The following KIN variants were observed in gnomAD, a reference collection of about 807,000 sequenced individuals.
KIN encodes DNA/RNA-binding protein KIN17.
Under a neutral mutation model 63.0 loss-of-function variants are expected in KIN, and 47 were observed. That is an observed-to-expected ratio of 0.75 (90% CI 0.59 to 0.95). The LOEUF (loss-of-function observed/expected upper bound fraction) is 0.95, where lower values mean the gene tolerates loss of function less well. Among genes scored for constraint, KIN ranks in the 40% least tolerant of loss-of-function variants. KIN has a pLI of 0.00. For missense variants in KIN, 408 were observed against 460.9 expected (o/e 0.89, Z 1.05); for synonymous variants, 160 against 157.7 (o/e 1.01, Z -0.11).
intron 2 of KIN, among the ~76,000 whole-genome samples, chr10:7,782,101 T>A (rs80047080): frequency 0.058 from 8,814 of 152,182 alleles, 459 homozygotes; most frequent in African/African-American, 0.13. Context: ...CCAATTTTTT[T>A]AAAAAACTTG....
intron 12 of KIN, among the ~76,000 whole-genome samples, chr10:7,758,009 GATT>G (rs1835365122): frequency 8.8e-6 from 1 of 114,256 alleles, no homozygotes; most frequent in Middle Eastern, 4.3e-3. Flanking sequence ...CATATACAGA[GATT>G]TTTTTTTTTT....
At chr10:7,780,891 G>T (rs1169136850) in intron 2 of KIN, among the ~76,000 whole-genome samples, 1 of 152,124 alleles carries the variant, frequency 6.6e-6, no homozygotes, top group Non-Finnish European at 1.5e-5. Context: ...CATACCTTTG[G>T]AATGGGTCCT....
rs1167822553 is a variant in KIN, at chr10:7,752,453, G to A, written c.*3627C>T. 6.6e-6 allele frequency: 1 copy of A among 152,202 alleles called. No homozygotes were observed. The highest frequency in any genetic ancestry group is 1.5e-5 in the Non-Finnish European group (1 of 68,042). 9.4% of individuals were successfully genotyped at this position (152,202 alleles called of 1,614,324 possible). On this transcript the variant is annotated 3_prime_UTR_variant, in exon 13 of 13. Coordinates refer to ENST00000379562, the MANE Select transcript of KIN (RefSeq NM_012311.4). ...TGCTGACGGAGATGCAGAGCAGCAG[G>A]AACTCTCATTCACTGCTCGTTTGAA... is the stretch of plus-strand genomic sequence containing the variant.
At chr10:7,769,476 G>A in intron 7 of KIN, 131 bp from the exon 8 acceptor site, 1 of 875,474 alleles carries the variant, frequency 1.1e-6, no homozygotes, top group South Asian at 1.7e-5. Context: ...AAACCATGGA[G>A]TCCCTGTCCA....
chr10:7,780,235 G>A (rs1446576013), intron 3 of KIN, 29 bp downstream of exon 3: 3 of 1,609,940 alleles, frequency 1.9e-6, no homozygotes, highest in African/African-American at 1.3e-5. Flanking sequence ...TTATAAAGCT[G>A]TTATTTGCAC....
At position 7,755,441 on chromosome 10, in the gene KIN, G is replaced by A. The variant is rs1835315001; in HGVS notation, c.*639C>T. 1 of 152,142 alleles carries A rather than the reference G, an allele frequency of 6.6e-6. No homozygotes were observed. The highest frequency in any genetic ancestry group is 2.4e-5 in the African/African-American group (1 of 41,432). 9.4% of individuals were successfully genotyped at this position (152,142 alleles called of 1,614,324 possible). On this transcript the variant is annotated 3_prime_UTR_variant, in exon 13 of 13. Coordinates refer to ENST00000379562, the MANE Select transcript of KIN (RefSeq NM_012311.4). ...CCATTTATAAGAAATGTCCAGAAAG[G>A]GCAAATCCATAGAGACAGAAAGTAC... is the stretch of plus-strand genomic sequence containing the variant.
At chr10:7,779,841 T>C (rs1835861191) in intron 4 of KIN, among the ~76,000 whole-genome samples, 1 of 152,226 alleles carries the variant, frequency 6.6e-6, no homozygotes, top group Admixed American at 6.5e-5. Flanking sequence ...CCTTGCATAG[T>C]ATTTATTCAG....
In KIN at chr10:7,753,910, ACT is replaced by A; in HGVS notation, c.*2168_*2169del. The A allele has an allele frequency of 2.8e-6, 1 of 362,424 alleles. No homozygotes were observed. Among genetic ancestry groups the A allele is most frequent in the East Asian group, 8.4e-5 (1 of 11,968 alleles). The allele number at this position is 362,424 out of a possible 1,614,324, so 22.5% of individuals were successfully genotyped here. A position where few individuals can be genotyped will look rare whatever the true frequency, so the allele number is the denominator to read the frequency against. On this transcript the variant is annotated 3_prime_UTR_variant, in exon 13 of 13. Transcript: ENST00000379562. ...GAATAGAAGCAATCAGCCCTCCCTG[ACT>A]CTCAGTTAAAGAGAGAGATCCCAGG...
chr10:7,758,070 C>CA (rs1482968811), intron 12 of KIN, among the ~76,000 whole-genome samples: 1 of 140,168 alleles, frequency 7.1e-6, no homozygotes, highest in African/African-American at 2.6e-5. Flanking sequence ...AATTAGGAGA[C>CA]AGATTCCCTT....
At position 7,754,355 on chromosome 10, in the gene KIN, A is replaced by AG. The variant is rs757042429; in HGVS notation, c.*1724dup. On this transcript the variant is annotated 3_prime_UTR_variant, in exon 13 of 13. Transcript: ENST00000379562. ...ATCTCAAAAAACAGAACAAAAAAAA[A>AG]GAGGCGTAGTGGCTCATGCCTGTAA... 6 of 268,692 alleles carry AG rather than the reference A, an allele frequency of 2.2e-5. No homozygotes were observed. Among genetic ancestry groups the AG allele is most frequent in the Non-Finnish European group, 4.5e-5 (6 of 133,508 alleles). 16.6% of individuals were successfully genotyped at this position (268,692 alleles called of 1,614,324 possible). A position where few individuals can be genotyped will look rare whatever the true frequency, so the allele number is the denominator to read the frequency against.
intron 2 of KIN, 96 bp from the exon 3 acceptor site, chr10:7,780,403 G>GA: frequency 1.9e-6 from 2 of 1,071,216 alleles, no homozygotes; most frequent in Non-Finnish European, 2.7e-6. Context: ...TTTTGTTTTT[G>GA]TTTTTTTTGA....
intron 5 of KIN, among the ~76,000 whole-genome samples, chr10:7,776,987 C>G (rs1440414825): frequency 7.8e-6 from 1 of 128,590 alleles, no homozygotes; most frequent in Non-Finnish European, 1.6e-5. Context: ...CACCAGAGGT[C>G]AAGGGTGCAG....
intron 11 of KIN, 48 bp downstream of exon 11, chr10:7,762,409 C>A (rs112690342): frequency 9.5e-7 from 1 of 1,054,606 alleles, no homozygotes; most frequent in Non-Finnish European, 1.4e-6. Context: ...AAAATGGAAC[C>A]GCTCATTTTG....
At chr10:7,768,737 G>A (rs923610216) in intron 8 of KIN, among the ~76,000 whole-genome samples, 3 of 152,166 alleles carry the variant, frequency 2.0e-5, no homozygotes, top group Non-Finnish European at 4.4e-5. Flanking sequence ...ACCTATTTAG[G>A]TGGGGCATGG....
chr10:7,765,823 G>A (rs1436154666), intron 9 of KIN, among the ~76,000 whole-genome samples: 1 of 152,094 alleles, frequency 6.6e-6, no homozygotes. Context: ...AACAAGTTTA[G>A]CACTAAACTT....
chr10:7,762,095 C>G (rs559041238), intron 11 of KIN, among the ~76,000 whole-genome samples: 1 of 152,016 alleles, frequency 6.6e-6, no homozygotes, highest in South Asian at 2.1e-4. Context: ...TATGTATATG[C>G]AAATTCCAAA....
chr10:7,779,957 C>T, intron 4 of KIN, 99 bp downstream of exon 4: 1 of 1,312,004 alleles, frequency 7.6e-7, no homozygotes. Context: ...AAAAGCAAAA[C>T]ACTGACCCAA....
intron 5 of KIN, among the ~76,000 whole-genome samples, 195 bp from the exon 6 acceptor site, chr10:7,775,994 C>T (rs994018937): frequency 3.3e-5 from 5 of 151,854 alleles, no homozygotes; most frequent in Admixed American, 6.6e-5. Context: ...TTTGGGAGGC[C>T]GAGGCGGGCA....
intron 12 of KIN, among the ~76,000 whole-genome samples, chr10:7,758,133 C>A (rs372087449): frequency 6.9e-6 from 1 of 145,048 alleles, no homozygotes; most frequent in Non-Finnish European, 1.5e-5. Flanking sequence ...GAGTAAGTGG[C>A]GCAATCTTGG....
Sources: gnomAD v4.1 joint callset for allele counts (sites outside exome capture counted in the v4.1 genomes callset) on GRCh38, gnomAD v4.1.1 for gene constraint, MANE v1.5 for transcripts, NCBI Gene and HGNC (gene_info 2026-07-23, HGNC 2026-07-21) for gene names.